CHL1: variants seen among roughly 807,000 people sequenced by gnomAD.
CHL1 encodes cell adhesion molecule L1 like.
CHL1 carries 96 observed loss-of-function variants against 141.9 expected under a neutral mutation model. The observed-to-expected ratio is 0.68, with a 90% CI of 0.57 to 0.80. The LOEUF is 0.80. Ranked by LOEUF, CHL1 falls within the 30% of genes least tolerant of loss-of-function variation. The pLI, the probability that CHL1 is intolerant of heterozygous loss-of-function variation, is 0.00. For synonymous variants in CHL1, 613 were observed against 502.2 expected, an observed-to-expected ratio of 1.22 and a Z score of -2.95; for missense variants, 1,820 against 1,457.2, an observed-to-expected ratio of 1.25 and a Z score of -4.05.
intron 1 of CHL1, among the ~76,000 whole-genome samples, chr3:222,914 A>G (rs1574754527): frequency 6.6e-6 from 1 of 152,154 alleles, no homozygotes; most frequent in South Asian, 2.1e-4. Flanking sequence ...TATAGCCAGC[A>G]GTATAGCATC....
chr3:403,397 A>G (rs1372266610), intron 27 of CHL1, among the ~76,000 whole-genome samples: 1 of 152,164 alleles, frequency 6.6e-6, no homozygotes, highest in African/African-American at 2.4e-5. Context: ...ACAAGATACA[A>G]ATTCCATGAG....
chr3:220,504 G>C (rs898868660), intron 1 of CHL1, among the ~76,000 whole-genome samples: 2 of 151,930 alleles, frequency 1.3e-5, no homozygotes, highest in African/African-American at 2.4e-5. Flanking sequence ...ACTAACGATA[G>C]CTGATGAGTT....
Position 325,725 on chromosome 3 carries a change from A to G in CHL1, c.92-234A>G, listed in dbSNP as rs75528697. 6.3e-3 allele frequency among the ~76,000 whole-genome samples: 962 copies of G among 152,146 alleles called. 12 individuals are homozygous for G. Among genetic ancestry groups the G allele is most frequent in the African/African-American group, 0.022 (903 of 41,550 alleles). ...CTTCTGCTATAAAAATCATTAAATTATTCTGGGTTTAAATAAAATGAACAT... is the reference window on the plus strand; with the variant it reads ...CTTCTGCTATAAAAATCATTAAATTGTTCTGGGTTTAAATAAAATGAACAT... On this transcript the variant is annotated intron_variant, in intron 3 of 27. Transcript: ENST00000256509.
At chr3:392,578 G>A (rs1226870652) in intron 23 of CHL1, among the ~76,000 whole-genome samples, 2 of 152,200 alleles carry the variant, frequency 1.3e-5, no homozygotes, top group Admixed American at 1.3e-4. Context: ...TGACATTATA[G>A]AAAATTTTAT....
intron 1 of CHL1, chr3:198,179 G>T: frequency 4.8e-5 from 9 of 186,900 alleles, no homozygotes; most frequent in South Asian, 8.6e-5. Context: ...GAAGGGGTGG[G>T]AGGCCGGCGG....
rs749691282 is a variant in CHL1 at position 319,760 on chromosome 3, C to G, written c.-17C>G. The G allele has an allele frequency of 2.5e-5, 39 of 1,551,962 alleles. No homozygotes were observed. The Admixed American group carries it at 2.5e-4, about 10-fold the overall frequency. Reference sequence around the variant, plus strand: ...AAGATTTTCATTCTTACCGGGTTGTCTTCTTCCTGAAGAGCAATGGAGCCG... The same window carrying G: ...AAGATTTTCATTCTTACCGGGTTGTGTTCTTCCTGAAGAGCAATGGAGCCG... On this transcript the variant is annotated 5_prime_UTR_variant, in exon 3 of 28. Coordinates refer to ENST00000256509, the MANE Select transcript of CHL1 (RefSeq NM_006614.4).
In CHL1 at chr3:409,157, T is replaced by C. The variant is rs1421054963; in HGVS notation, c.*3446T>C. The C allele has an allele frequency of 6.6e-6, 1 of 152,084 alleles. No individual in the cohort carries two copies. 9.4% of individuals were successfully genotyped at this position (152,084 alleles called of 1,614,324 possible). A position where few individuals can be genotyped will look rare whatever the true frequency, so the allele number is the denominator to read the frequency against. On this transcript the variant is annotated 3_prime_UTR_variant, in exon 28 of 28. Transcript: ENST00000256509. ...TGTTCCTATAGTGAAATAAGTAGGG[T>C]TCAGCCAAAGCTTTCTTTGTTTTGT...
chr3:282,383 A>C (rs1696749235), intron 2 of CHL1, among the ~76,000 whole-genome samples: 1 of 152,212 alleles, frequency 6.6e-6, no homozygotes. Flanking sequence ...GGATAGAAGA[A>C]AAGAGTTACA....
intron 24 of CHL1, among the ~76,000 whole-genome samples, chr3:397,446 C>T (rs1489066993): frequency 6.6e-6 from 1 of 151,938 alleles, no homozygotes; most frequent in Non-Finnish European, 1.5e-5. Context: ...CAGTAAGAAA[C>T]ATATTTTATA....
chr3:222,539 T>C (rs1328551593), intron 1 of CHL1, among the ~76,000 whole-genome samples: 1 of 152,158 alleles, frequency 6.6e-6, no homozygotes, highest in Non-Finnish European at 1.5e-5. Context: ...GGTAATTCCT[T>C]TGACGGACAT....
chr3:326,347 A>G (rs1005253563), intron 4 of CHL1, among the ~76,000 whole-genome samples: 1 of 152,098 alleles, frequency 6.6e-6, no homozygotes, highest in Admixed American at 6.6e-5. Flanking sequence ...TAGTCTACAA[A>G]TAAATAAGGT....
At chr3:375,847 A>G (rs560795601) in intron 15 of CHL1, among the ~76,000 whole-genome samples, 404 of 152,298 alleles carry the variant, frequency 2.7e-3, no homozygotes, top group Non-Finnish European at 4.4e-3. Flanking sequence ...TGAGCCGCAA[A>G]CACAGGTCTC....
At chr3:203,031 C>A (rs1301984572) in intron 1 of CHL1, among the ~76,000 whole-genome samples, 1 of 152,180 alleles carries the variant, frequency 6.6e-6, no homozygotes, top group East Asian at 1.9e-4. Context: ...TGCAGACTTC[C>A]AATGAGGTAG....
intron 1 of CHL1, among the ~76,000 whole-genome samples, chr3:236,224 C>T (rs994290168): frequency 6.6e-5 from 10 of 152,126 alleles, no homozygotes; most frequent in Non-Finnish European, 1.2e-4. Context: ...AGAAAAAAAA[C>T]AGGAGTTAAC....
intron 1 of CHL1, among the ~76,000 whole-genome samples, chr3:214,497 C>T (rs147474353): frequency 2.0e-4 from 30 of 152,180 alleles, no homozygotes; most frequent in African/African-American, 6.5e-4. Context: ...TTACGTGCTA[C>T]GTTATCAATA....
intron 2 of CHL1, among the ~76,000 whole-genome samples, chr3:258,397 C>T (rs1288027045): frequency 1.3e-5 from 2 of 152,244 alleles, no homozygotes; most frequent in Non-Finnish European, 2.9e-5. Flanking sequence ...TTCCACATCT[C>T]TCCCTCTTGG....
intron 2 of CHL1, among the ~76,000 whole-genome samples, chr3:310,184 C>A (rs1034670360): frequency 1.3e-5 from 2 of 151,980 alleles, no homozygotes; most frequent in Non-Finnish European, 2.9e-5. Flanking sequence ...GTGGCTAGCA[C>A]TTTGGGAGGT....
Position 280,803 on chromosome 3 carries a change from G to C in CHL1, c.-95+36111G>C, listed in dbSNP as rs116270375. On this transcript the variant is annotated intron_variant, in intron 2 of 27. Coordinates refer to ENST00000256509, the MANE Select transcript of CHL1 (RefSeq NM_006614.4). ...TTTAATCATTACTCTTCTTTAATGA[G>C]TAATAGAGTGGAAATAACTTTCCTC... Among the ~76,000 whole-genome samples the C allele has an allele frequency of 6.6e-3, 1,008 of 152,108 alleles. 10 individuals are homozygous for C. Among genetic ancestry groups the C allele is most frequent in the African/African-American group, 0.023 (974 of 41,452 alleles).
chr3:346,860 T>C lies in CHL1; in HGVS notation c.848+2151T>C, dbSNP rs188296987. On this transcript the variant is annotated intron_variant, in intron 9 of 27. Transcript: ENST00000256509. ...AAAAATAATTATAATTAAAGTATTG[T>C]ACTATTATTTTGTGTCAAGCACTAT... Among the ~76,000 whole-genome samples, 4 of 152,302 alleles carry C rather than the reference T, an allele frequency of 2.6e-5. No individual in the cohort carries two copies. In the East Asian group the frequency reaches 7.7e-4, roughly 29 times the overall value.
Sources: allele counts gnomAD v4.1 joint callset (sites outside exome capture counted in the v4.1 genomes callset), GRCh38; gene constraint gnomAD v4.1.1; transcripts MANE v1.5; gene names NCBI Gene and HGNC (gene_info 2026-07-23, HGNC 2026-07-21).